Variants in AKAP19 observed in about 807,000 individuals in gnomAD.
AKAP19 encodes the protein small A-kinase anchoring protein.
the AKAP19 span, among the ~76,000 whole-genome samples, chr2:189,900,880 T>C: frequency 6.6e-6 from 1 of 152,192 alleles, no homozygotes; most frequent in Admixed American, 6.5e-5. Context: ...TATGGGATGA[T>C]ACTTGTGCTT....
chr2:189,996,585 T>G, the AKAP19 span, among the ~76,000 whole-genome samples: 16 of 152,218 alleles, frequency 1.1e-4, no homozygotes, highest in Non-Finnish European at 1.8e-4. Context: ...TCTGAATTCT[T>G]CATCTGGTAA....
chr2:189,898,530 C>T, the AKAP19 span, among the ~76,000 whole-genome samples: 1 of 152,118 alleles, frequency 6.6e-6, no homozygotes, highest in Non-Finnish European at 1.5e-5. Flanking sequence ...CCACATGCCT[C>T]TCTACTCATA....
At chr2:190,200,317 T>C in the AKAP19 span, 11 of 625,910 alleles carry the variant, frequency 1.8e-5, no homozygotes, top group Non-Finnish European at 3.1e-5. Flanking sequence ...TAAGTACTTC[T>C]ATGTTAACAG....
the AKAP19 span, among the ~76,000 whole-genome samples, chr2:190,144,581 A>C: frequency 6.6e-6 from 1 of 152,134 alleles, no homozygotes; most frequent in Non-Finnish European, 1.5e-5. Context: ...TTATCCTCCC[A>C]GTATTTCTTT....
the AKAP19 span, among the ~76,000 whole-genome samples, chr2:190,021,640 G>C: frequency 1.3e-5 from 2 of 152,288 alleles, no homozygotes; most frequent in East Asian, 1.9e-4. Context: ...CCAATGACTG[G>C]GCATGGTGCA....
chr2:190,048,539 T>C, the AKAP19 span, among the ~76,000 whole-genome samples: 1 of 152,186 alleles, frequency 6.6e-6, no homozygotes, highest in Non-Finnish European at 1.5e-5. Context: ...AAAAACCTGC[T>C]AGTACCCATT....
the AKAP19 span, among the ~76,000 whole-genome samples, chr2:190,140,793 C>T: frequency 6.6e-6 from 1 of 152,162 alleles, no homozygotes; most frequent in Non-Finnish European, 1.5e-5. Flanking sequence ...ACATTTGGCT[C>T]CTCATTACCT....
chr2:189,936,282 A>ACT, the AKAP19 span, among the ~76,000 whole-genome samples: 1 of 151,648 alleles, frequency 6.6e-6, no homozygotes, highest in Non-Finnish European at 1.5e-5. Context: ...ACACACACAC[A>ACT]CACGGCTATC....
At chr2:189,963,487 G>C in the AKAP19 span, among the ~76,000 whole-genome samples, 10 of 151,898 alleles carry the variant, frequency 6.6e-5, no homozygotes, top group East Asian at 2.0e-3. Context: ...GAGCCACCGC[G>C]CCCGGCCCAG....
At chr2:190,036,712 C>T in the AKAP19 span, among the ~76,000 whole-genome samples, 1 of 152,032 alleles carries the variant, frequency 6.6e-6, no homozygotes, top group African/African-American at 2.4e-5. Flanking sequence ...GTAGAATAGA[C>T]TCATATATCA....
At chr2:189,920,442 A>T in the AKAP19 span, among the ~76,000 whole-genome samples, 1 of 152,214 alleles carries the variant, frequency 6.6e-6, no homozygotes, top group African/African-American at 2.4e-5. Context: ...TAGAAGTTGT[A>T]CACCATTCTG....
At chr2:190,167,317 C>A in the AKAP19 span, among the ~76,000 whole-genome samples, 1 of 152,170 alleles carries the variant, frequency 6.6e-6, no homozygotes, top group African/African-American at 2.4e-5. Flanking sequence ...GACCTGCCCC[C>A]ATGTTTCAGT....
the AKAP19 span, among the ~76,000 whole-genome samples, chr2:190,047,284 G>A: frequency 6.6e-6 from 1 of 152,116 alleles, no homozygotes; most frequent in Non-Finnish European, 1.5e-5. Context: ...GTTTTGGAAT[G>A]CCCTTCTTCC....
At chr2:190,138,841 T>C in the AKAP19 span, among the ~76,000 whole-genome samples, 356 of 152,310 alleles carry the variant, frequency 2.3e-3, 4 homozygotes, top group African/African-American at 8.0e-3. Context: ...CCCTCTTCAT[T>C]TGGGAGACAA....
the AKAP19 span, among the ~76,000 whole-genome samples, chr2:190,092,010 T>A: frequency 2.0e-5 from 3 of 152,204 alleles, no homozygotes; most frequent in Non-Finnish European, 4.4e-5. Flanking sequence ...TACACATTTT[T>A]AAATGACTTA....
chr2:190,133,022 G>T, the AKAP19 span, among the ~76,000 whole-genome samples: 1 of 152,040 alleles, frequency 6.6e-6, no homozygotes, highest in South Asian at 2.1e-4. Context: ...GGATCATGAG[G>T]TCAGGAGATA....
the AKAP19 span, among the ~76,000 whole-genome samples, chr2:189,910,633 TAA>T: frequency 3.3e-5 from 5 of 152,046 alleles, no homozygotes; most frequent in Non-Finnish European, 1.5e-5. Context: ...TCTCTAATTG[TAA>T]GAGACAAAGC....
At chr2:190,062,632 T>A in the AKAP19 span, 1 of 1,597,472 alleles carries the variant, frequency 6.3e-7, no homozygotes, top group Non-Finnish European at 8.5e-7. Flanking sequence ...TTCTTGTTCT[T>A]GTTTCTTCCT....
the AKAP19 span, among the ~76,000 whole-genome samples, chr2:189,940,766 C>G: frequency 6.6e-6 from 1 of 151,934 alleles, no homozygotes; most frequent in Non-Finnish European, 1.5e-5. Flanking sequence ...TGGCGGACAC[C>G]TATAGGCCCA....
Sources: gnomAD v4.1 joint callset for allele counts (sites outside exome capture counted in the v4.1 genomes callset) on GRCh38, gnomAD v4.1.1 for gene constraint, MANE v1.5 for transcripts, NCBI Gene and HGNC (gene_info 2026-07-23, HGNC 2026-07-21) for gene names.